IGFBP2: variants seen among roughly 807,000 people sequenced by gnomAD.
IGFBP2 encodes the protein insulin-like growth factor-binding protein 2.
IGFBP2 carries 12 observed loss-of-function variants against 26.2 expected under a neutral mutation model. That is an observed-to-expected ratio of 0.46 (90% CI 0.29 to 0.74). The LOEUF is 0.74. Ranked by LOEUF, IGFBP2 falls within the 30% of genes least tolerant of loss-of-function variation. The probability of loss-of-function intolerance (pLI) is 0.09; values close to 1 mark genes in which losing one functional copy is unlikely to be tolerated. For synonymous variants in IGFBP2, 189 were observed against 200.6 expected (o/e 0.94, Z 0.49); for missense variants, 328 against 441.2 (o/e 0.74, Z 2.30).
chr2:216,664,317 G>A lies in IGFBP2; in HGVS notation c.*213G>A, dbSNP rs1028955256. On this transcript the variant is annotated 3_prime_UTR_variant, in exon 4 of 4. Transcript: ENST00000233809. This position sits in a 1 kb window ranked among gnomAD's most constrained non-coding sequence, Gnocchi z 4.6. ...ACACCTGCTCCTTCTTGCTTTCCCC[G>A]GGGGAGGAAGGGGGTTGTGGTCGGG... is the stretch of plus-strand genomic sequence containing the variant. The A allele has an allele frequency of 7.1e-6, 3 of 420,898 alleles. No homozygotes were observed. Among genetic ancestry groups the A allele is most frequent in the South Asian group, 7.3e-5 (1 of 13,682 alleles). The allele number at this position is 420,898 out of a possible 1,614,324, so 26.1% of individuals were successfully genotyped here. A position where few individuals can be genotyped will look rare whatever the true frequency, so the allele number is the denominator to read the frequency against.
chr2:216,634,057 C>A (rs533251929), intron 1 of IGFBP2, 92 bp downstream of exon 1: 3 of 1,440,406 alleles, frequency 2.1e-6, no homozygotes, highest in Non-Finnish European at 1.8e-6. Flanking sequence ...GTTTTAGGGG[C>A]GGCAGAGCCG....
intron 1 of IGFBP2, among the ~76,000 whole-genome samples, chr2:216,642,368 G>T (rs182979951): frequency 7.2e-6 from 1 of 137,972 alleles, no homozygotes; most frequent in Non-Finnish European, 1.6e-5. Flanking sequence ...GTGCAGTGGC[G>T]CGATCTCGGC....
At chr2:216,657,570 C>G (rs1195600781) in intron 1 of IGFBP2, among the ~76,000 whole-genome samples, 1 of 152,068 alleles carries the variant, frequency 6.6e-6, no homozygotes, top group East Asian at 1.9e-4. Context: ...GGCAGCTGAG[C>G]AGGGGCACTC....
intron 1 of IGFBP2, among the ~76,000 whole-genome samples, chr2:216,657,716 A>G (rs984308072): frequency 6.6e-6 from 1 of 152,126 alleles, no homozygotes; most frequent in African/African-American, 2.4e-5. Context: ...CAGGACTCCA[A>G]CCTAGCCTGG....
chr2:216,661,625 G>A (rs994740574), intron 2 of IGFBP2: 4 of 609,450 alleles, frequency 6.6e-6, no homozygotes, highest in Non-Finnish European at 1.2e-5. Flanking sequence ...AGAACAAGGA[G>A]AGGAGTGAAC....
chr2:216,654,398 C>G (rs954742505), intron 1 of IGFBP2, among the ~76,000 whole-genome samples: 1 of 152,132 alleles, frequency 6.6e-6, no homozygotes, highest in African/African-American at 2.4e-5. Flanking sequence ...TACTGTTTGT[C>G]CTTTTACAGA....
chr2:216,656,523 T>G (rs925237582), intron 1 of IGFBP2, among the ~76,000 whole-genome samples: 14 of 152,220 alleles, frequency 9.2e-5, no homozygotes, highest in African/African-American at 3.4e-4. Context: ...TCCGGGGCCA[T>G]TTGGCAACGA....
intron 1 of IGFBP2, among the ~76,000 whole-genome samples, chr2:216,652,381 G>T (rs183259377): frequency 1.6e-4 from 25 of 152,188 alleles, no homozygotes; most frequent in Non-Finnish European, 7.4e-5. Context: ...ACTCCATGTT[G>T]GTCAGACTGG....
intron 3 of IGFBP2, 96 bp downstream of exon 3, chr2:216,662,094 G>A (rs1170374593): frequency 7.2e-7 from 1 of 1,393,370 alleles, no homozygotes; most frequent in East Asian, 2.3e-5. Flanking sequence ...GATCCTCTGA[G>A]GTCTGAGCTG....
rs9341192 is a variant in IGFBP2, at chr2:216,659,166, G to A, written c.443-1391G>A. ...GGGACAGACCCCCATCAAATGTTCC[G>A]TATGCTGGGGCCTATGCTGGGCACG... On this transcript the variant is annotated intron_variant, in intron 1 of 3. Coordinates refer to ENST00000233809, the MANE Select transcript of IGFBP2 (RefSeq NM_000597.3). Among the ~76,000 whole-genome samples, 953 of 152,296 alleles carry A rather than the reference G, an allele frequency of 6.3e-3. 23 individuals are homozygous for A. The East Asian group carries it at 0.073, about 12-fold the overall frequency.
intron 1 of IGFBP2, among the ~76,000 whole-genome samples, chr2:216,647,097 C>T (rs888111861): frequency 6.6e-6 from 1 of 152,168 alleles, no homozygotes; most frequent in Non-Finnish European, 1.5e-5. Flanking sequence ...ACAGGTAGCT[C>T]TTGGTCACTA....
intron 1 of IGFBP2, 24 bp from the exon 2 acceptor site, chr2:216,660,533 T>C (rs200412892): frequency 9.7e-5 from 151 of 1,560,684 alleles, no homozygotes; most frequent in African/African-American, 1.6e-4. Context: ...ACCTGGAGCT[T>C]TTCTTCCCTT....
At chr2:216,652,165 G>C (rs1017680023) in intron 1 of IGFBP2, among the ~76,000 whole-genome samples, 1 of 150,426 alleles carries the variant, frequency 6.6e-6, no homozygotes, top group African/African-American at 2.4e-5. Flanking sequence ...CATCATTTTA[G>C]CAGAATTTTT....
intron 1 of IGFBP2, among the ~76,000 whole-genome samples, chr2:216,650,430 G>A (rs1697796804): frequency 6.6e-6 from 1 of 152,224 alleles, no homozygotes; most frequent in Non-Finnish European, 1.5e-5. Flanking sequence ...GAACCCAAAA[G>A]CTGGTGCTCC....
intron 1 of IGFBP2, among the ~76,000 whole-genome samples, chr2:216,646,518 T>G (rs1242809129): frequency 6.6e-6 from 1 of 152,242 alleles, no homozygotes; most frequent in East Asian, 1.9e-4. Context: ...GGGCAAGTGC[T>G]AGATGCTCTT....
chr2:216,648,299 A>G (rs1465759224), intron 1 of IGFBP2, among the ~76,000 whole-genome samples: 1 of 152,152 alleles, frequency 6.6e-6, no homozygotes, highest in Non-Finnish European at 1.5e-5. Context: ...GGCCTGAGTC[A>G]TCTTGATTAC....
At chr2:216,649,901 C>T (rs532238130) in intron 1 of IGFBP2, among the ~76,000 whole-genome samples, 28 of 152,282 alleles carry the variant, frequency 1.8e-4, no homozygotes, top group African/African-American at 3.1e-4. Context: ...ACCTCCATGA[C>T]GCCAGGCCAG....
intron 1 of IGFBP2, among the ~76,000 whole-genome samples, chr2:216,639,669 G>A (rs991218675): frequency 4.6e-5 from 7 of 151,814 alleles, no homozygotes; most frequent in African/African-American, 1.7e-4. Flanking sequence ...TCAAGACCGA[G>A]TTTTGCTCTG....
rs752135127 is a variant in IGFBP2, at chr2:216,660,904, T to G, written c.672+118T>G. On this transcript the variant is annotated intron_variant, in intron 2 of 3. Coordinates refer to ENST00000233809, the MANE Select transcript of IGFBP2 (RefSeq NM_000597.3). ...GTGTGACCTGTAGGCAAAGCACTTT[T>G]CTTTCCACAAACATAGTTGTGGAAC... The G allele has an allele frequency of 1.6e-5, 12 of 748,212 alleles. No individual in the cohort carries two copies. In the South Asian group the frequency reaches 1.9e-4, roughly 12 times the overall value. 46.3% of individuals were successfully genotyped at this position (748,212 alleles called of 1,614,324 possible). A position where few individuals can be genotyped will look rare whatever the true frequency, so the allele number is the denominator to read the frequency against.
Sources: gnomAD v4.1 joint callset for allele counts (sites outside exome capture counted in the v4.1 genomes callset) on GRCh38, gnomAD v4.1.1 for gene constraint, Gnocchi (gnomAD v3.1) non-coding constraint, MANE v1.5 for transcripts, NCBI Gene and HGNC (gene_info 2026-07-23, HGNC 2026-07-21) for gene names.